Variants in OPA1 observed in about 807,000 individuals in gnomAD.
The protein encoded by OPA1 is dynamin-like GTPase OPA1, mitochondrial.
In OPA1, 59 loss-of-function variants were observed where a neutral mutation model predicts 152.9. That is an observed-to-expected ratio of 0.39 (90% CI 0.31 to 0.48). The LOEUF (loss-of-function observed/expected upper bound fraction) is 0.48. OPA1 is among the 20% of genes least tolerant of loss of function. The probability of loss-of-function intolerance (pLI) is 0.96; values close to 1 mark genes in which losing one functional copy is unlikely to be tolerated. For missense variants in OPA1, 1,008 were observed against 1,216.8 expected, an observed-to-expected ratio of 0.83 and a Z score of 2.55; for synonymous variants, 400 against 389.9, an observed-to-expected ratio of 1.03 and a Z score of -0.31.
In OPA1 at chr3:193,662,842, G is replaced by A. The variant is rs1452993840; in HGVS notation, c.2541G>A (p.Lys847=). 2 of 1,613,206 alleles carry A rather than the reference G, an allele frequency of 1.2e-6. No homozygotes were observed. Among genetic ancestry groups the A allele is most frequent in the Non-Finnish European group, 1.7e-6 (2 of 1,179,430 alleles). ...TQEQCVHNET[K]NELEKMLKCN... The stretch of plus-strand genomic sequence containing the variant: ...TAAAGTGTGTTCACAATGAAACCAA[G>A]AATGAATTGGAGAAGATGTTGAAAT... The change falls in exon 26 of 31, where the codon AAG becomes AAA. Residue 847 remains lysine, a synonymous_variant. Transcript: ENST00000361510.
At chr3:193,600,192 TAG>T (rs1396818629) in intron 1 of OPA1, among the ~76,000 whole-genome samples, 2 of 152,218 alleles carry the variant, frequency 1.3e-5, no homozygotes, top group Non-Finnish European at 2.9e-5. Flanking sequence ...CCCCTCAATT[TAG>T]AGAGATTGAC....
At chr3:193,635,721 C>T (rs977606508) in intron 9 of OPA1, among the ~76,000 whole-genome samples, 199 bp downstream of exon 9, 2 of 152,048 alleles carry the variant, frequency 1.3e-5, no homozygotes, top group African/African-American at 4.8e-5. Context: ...TTATACTATG[C>T]CCATAAAATC....
intron 22 of OPA1, 47 bp downstream of exon 22, chr3:193,655,074 G>T (rs1482995413): frequency 1.9e-6 from 3 of 1,556,524 alleles, no homozygotes; most frequent in Admixed American, 3.4e-5. Context: ...TATCTGAAGG[G>T]AGTAGGAGCT....
chr3:193,688,786 G>T (rs1721291392), intron 29 of OPA1, among the ~76,000 whole-genome samples: 2 of 152,014 alleles, frequency 1.3e-5, no homozygotes, highest in Admixed American at 1.3e-4. Context: ...TTCGAGACCA[G>T]CCTGGGCAAC....
intron 29 of OPA1, among the ~76,000 whole-genome samples, chr3:193,691,169 C>T (rs1490145090): frequency 1.3e-5 from 2 of 152,188 alleles, no homozygotes; most frequent in African/African-American, 4.8e-5. Context: ...TGCAGTAAGC[C>T]CTGCCAACAC....
intron 9 of OPA1, 22 bp from the exon 10 acceptor site, chr3:193,637,173 T>C (rs565226477): frequency 5.7e-6 from 8 of 1,399,346 alleles, no homozygotes; most frequent in Middle Eastern, 1.9e-4. Context: ...TTTTATATTA[T>C]AACTTTTTAA....
chr3:193,689,197 C>T (rs1185014917), intron 29 of OPA1: 2 of 152,176 alleles, frequency 1.3e-5, no homozygotes, highest in Non-Finnish European at 2.9e-5. Context: ...GTCCTCATAT[C>T]ACTTTATGAA....
intron 23 of OPA1, 147 bp downstream of exon 23, chr3:193,657,379 T>C: frequency 1.3e-6 from 1 of 765,508 alleles, no homozygotes; most frequent in Non-Finnish European, 2.1e-6. Flanking sequence ...ATCTGTAATC[T>C]GCCCTTTAAT....
At chr3:193,596,372 TTTCTTTTCTTTTCTTTTCTG>T (rs1418223593) in intron 1 of OPA1, among the ~76,000 whole-genome samples, 12 of 82,544 alleles carry the variant, frequency 1.5e-4, no homozygotes, top group African/African-American at 5.8e-4. Context: ...TTAATTTTCT[TTTCTTTTCTTTTCTTTTCTG>T]TTCTTTTCTT....
intron 8 of OPA1, among the ~76,000 whole-genome samples, chr3:193,633,183 G>C (rs1419443916): frequency 6.6e-6 from 1 of 152,112 alleles, no homozygotes. Flanking sequence ...ACAAAGCATA[G>C]CCTCTGGAGC....
At chr3:193,596,895 A>G (rs959593552) in intron 1 of OPA1, 39 of 152,306 alleles carry the variant, frequency 2.6e-4, no homozygotes, top group African/African-American at 8.2e-4. Flanking sequence ...TGAATTCCCT[A>G]TTAACACCAA....
chr3:193,646,752 G>A (rs1287328091), intron 18 of OPA1, among the ~76,000 whole-genome samples: 3 of 152,054 alleles, frequency 2.0e-5, no homozygotes, highest in East Asian at 3.8e-4. Flanking sequence ...CAGCCCGGAC[G>A]ACAGTGCAAG....
chr3:193,689,379 G>A (rs551464813), intron 29 of OPA1, among the ~76,000 whole-genome samples: 1 of 152,212 alleles, frequency 6.6e-6, no homozygotes, highest in Non-Finnish European at 1.5e-5. Flanking sequence ...TCATTCCTGA[G>A]GTTTCAAGGC....
chr3:193,665,656 A>G (rs936269481), intron 27 of OPA1, among the ~76,000 whole-genome samples: 2 of 152,158 alleles, frequency 1.3e-5, no homozygotes, highest in Non-Finnish European at 2.9e-5. Flanking sequence ...TTAATCAACA[A>G]TCTTATTTAA....
At chr3:193,654,835 G>A in intron 21 of OPA1, 27 bp from the exon 22 acceptor site, 2 of 1,607,922 alleles carry the variant, frequency 1.2e-6, no homozygotes, top group Middle Eastern at 1.7e-4. Flanking sequence ...ATTTAGATTT[G>A]GTGCTTTTGA....
intron 6 of OPA1, 128 bp downstream of exon 6, chr3:193,619,064 G>A (rs543112669): frequency 3.8e-5 from 29 of 758,744 alleles, no homozygotes; most frequent in African/African-American, 7.0e-5. Flanking sequence ...TAGAGATATC[G>A]TTACTAATCT....
rs1722117896 is a variant in OPA1 at position 193,694,855 on chromosome 3, C to T, written c.*255C>T. On this transcript the variant is annotated 3_prime_UTR_variant, in exon 31 of 31. Transcript: ENST00000361510. Reference sequence around the variant, plus strand: ...ATCGGAATAATATAATTGGTATGGCCATTAGGTTCAGTCCTTGAAGATAAG... The same window carrying T: ...ATCGGAATAATATAATTGGTATGGCTATTAGGTTCAGTCCTTGAAGATAAG... 1 of 152,108 alleles carries T rather than the reference C, an allele frequency of 6.6e-6. No homozygotes were observed. The highest frequency in any genetic ancestry group is 1.5e-5 in the Non-Finnish European group (1 of 68,018). 9.4% of individuals were successfully genotyped at this position (152,108 alleles called of 1,614,324 possible). A position where few individuals can be genotyped will look rare whatever the true frequency, so the allele number is the denominator to read the frequency against.
intron 1 of OPA1, among the ~76,000 whole-genome samples, chr3:193,610,479 G>A (rs1467505276): frequency 1.3e-5 from 2 of 152,188 alleles, no homozygotes; most frequent in Non-Finnish European, 2.9e-5. Flanking sequence ...GCTATTCGGG[G>A]GTCAGGGACC....
chr3:193,644,178 A>G, intron 16 of OPA1, 73 bp downstream of exon 16: 1 of 1,541,464 alleles, frequency 6.5e-7, no homozygotes, highest in Admixed American at 1.7e-5. Flanking sequence ...TTTGTTATTT[A>G]AAAAAACAAC....
Sources: gnomAD v4.1 joint callset for allele counts (sites outside exome capture counted in the v4.1 genomes callset) on GRCh38, gnomAD v4.1.1 for gene constraint, MANE v1.5 for transcripts, NCBI Gene and HGNC (gene_info 2026-07-23, HGNC 2026-07-21) for gene names.